B4GALT6: variants seen among roughly 807,000 people sequenced by gnomAD.
The protein encoded by B4GALT6 is beta-1,4-galactosyltransferase 6.
Under a neutral mutation model 46.3 loss-of-function variants are expected in B4GALT6, and 14 were observed. That is an observed-to-expected ratio of 0.30 (90% CI 0.20 to 0.47). B4GALT6 has a LOEUF of 0.47. Among genes scored for constraint, B4GALT6 ranks in the 20% least tolerant of loss-of-function variants. The pLI, the probability that B4GALT6 is intolerant of heterozygous loss-of-function variation, is 0.99. For synonymous variants in B4GALT6, 168 were observed against 162.0 expected, an observed-to-expected ratio of 1.04 and a Z score of -0.28; for missense variants, 386 against 480.1, an observed-to-expected ratio of 0.80 and a Z score of 1.83.
At chr18:31,699,781 G>A in the B4GALT6 span, among the ~76,000 whole-genome samples, 1 of 151,958 alleles carries the variant, frequency 6.6e-6, no homozygotes, top group Non-Finnish European at 1.5e-5. Flanking sequence ...TGAGGTTATT[G>A]TACATAAAGT....
intron 5 of B4GALT6, among the ~76,000 whole-genome samples, chr18:31,636,455 C>G (rs1006358378): frequency 1.3e-5 from 2 of 152,110 alleles, no homozygotes; most frequent in African/African-American, 4.8e-5. Flanking sequence ...AGAAAAAGAT[C>G]TGAACAGAAA....
At chr18:31,631,200 C>CTTTTTTTTTTTT (rs10657836) in intron 5 of B4GALT6, 54 bp from the exon 6 acceptor site, 1 of 1,074,916 alleles carries the variant, frequency 9.3e-7, no homozygotes, top group African/African-American at 1.8e-5. Context: ...ACTTCATCAT[C>CTTTTTTTTTTTT]TTTTTTTTTT....
intron 6 of B4GALT6, among the ~76,000 whole-genome samples, chr18:31,630,038 G>C (rs1347989516): frequency 1.4e-5 from 2 of 138,170 alleles, no homozygotes; most frequent in East Asian, 4.7e-4. Flanking sequence ...CAGGAAGGAA[G>C]GAAGGAAGAG....
chr18:31,653,375 C>A (rs1465329415), intron 3 of B4GALT6, among the ~76,000 whole-genome samples: 2 of 151,246 alleles, frequency 1.3e-5, no homozygotes, highest in Admixed American at 1.3e-4. Flanking sequence ...TCTCTGACAT[C>A]GTCCTTTCCC....
chr18:31,692,559 T>A, the B4GALT6 span, among the ~76,000 whole-genome samples: 32 of 148,460 alleles, frequency 2.2e-4, no homozygotes, highest in African/African-American at 7.9e-4. Flanking sequence ...TAAAACTTCA[T>A]AAAATAGGGA....
In B4GALT6 at chr18:31,642,475, GTTC is replaced by G. The variant is rs3838895; in HGVS notation, c.471+2877_471+2879del. Reference sequence around the variant, plus strand: ...GACAAGAGCATCAAGCAGCTGCCTGGTTCTTTAAGCCTGGAAGTTATAGACCAA... The same window carrying G: ...GACAAGAGCATCAAGCAGCTGCCTGGTTTAAGCCTGGAAGTTATAGACCAA... On this transcript the variant is annotated intron_variant, in intron 4 of 8. Coordinates refer to ENST00000306851, the MANE Select transcript of B4GALT6 (RefSeq NM_004775.5). Among the ~76,000 whole-genome samples the G allele has an allele frequency of 2.8e-4, 43 of 152,272 alleles. No individual in the cohort carries two copies. In the East Asian group the frequency reaches 7.7e-3, roughly 27 times the overall value.
At chr18:31,672,679 T>C (rs1377837774) in intron 1 of B4GALT6, among the ~76,000 whole-genome samples, 1 of 152,226 alleles carries the variant, frequency 6.6e-6, no homozygotes, top group Non-Finnish European at 1.5e-5. Flanking sequence ...ACCTATGTAA[T>C]CCTCACAAGC....
chr18:31,670,991 C>T (rs1215585316), intron 1 of B4GALT6, among the ~76,000 whole-genome samples: 2 of 151,766 alleles, frequency 1.3e-5, no homozygotes, highest in Admixed American at 6.6e-5. Context: ...TATGAGAACA[C>T]GTAGTGTTTG....
intron 5 of B4GALT6, 75 bp from the exon 6 acceptor site, chr18:31,631,221 T>C: frequency 1.4e-6 from 2 of 1,403,252 alleles, no homozygotes; most frequent in East Asian, 2.5e-5. Flanking sequence ...TTTTTCTTTT[T>C]TTTGGTATTT....
At chr18:31,680,844 T>C (rs1431461718) in intron 1 of B4GALT6, among the ~76,000 whole-genome samples, 3 of 152,210 alleles carry the variant, frequency 2.0e-5, no homozygotes, top group Non-Finnish European at 4.4e-5. Flanking sequence ...ACCTGGCCCA[T>C]GTGCCACTCC....
At chr18:31,702,154 G>A in the B4GALT6 span, among the ~76,000 whole-genome samples, 3 of 152,256 alleles carry the variant, frequency 2.0e-5, no homozygotes, top group South Asian at 2.1e-4. Flanking sequence ...CAAATAATAC[G>A]CTATAATGGC....
At chr18:31,697,668 A>G in the B4GALT6 span, among the ~76,000 whole-genome samples, 4 of 152,226 alleles carry the variant, frequency 2.6e-5, no homozygotes, top group Admixed American at 1.3e-4. Flanking sequence ...CAGAAGAAAG[A>G]AAAAGCAGTT....
intron 8 of B4GALT6, 86 bp from the exon 9 acceptor site, chr18:31,625,847 T>C (rs962477490): frequency 1.8e-6 from 2 of 1,130,182 alleles, no homozygotes; most frequent in Non-Finnish European, 2.4e-6. Flanking sequence ...GGTCATCTTA[T>C]AATTAAAGCA....
At chr18:31,660,836 AAAGCTCC>A (rs1169402322) in intron 2 of B4GALT6, among the ~76,000 whole-genome samples, 1 of 152,182 alleles carries the variant, frequency 6.6e-6, no homozygotes, top group Non-Finnish European at 1.5e-5. Context: ...GAAGAAAAAC[AAAGCTCC>A]AAGATGCTCT....
chr18:31,710,915 C>T, the B4GALT6 span, among the ~76,000 whole-genome samples: 5 of 150,878 alleles, frequency 3.3e-5, no homozygotes, highest in Admixed American at 2.0e-4. Context: ...TGACCTGTGA[C>T]GGCCAAAACC....
the B4GALT6 span, among the ~76,000 whole-genome samples, chr18:31,712,287 A>ATTTTTT: frequency 3.6e-3 from 304 of 84,606 alleles, 36 homozygotes; most frequent in South Asian, 7.1e-3. Flanking sequence ...CTGGGACGTT[A>ATTTTTT]TTTTTTTTTT....
chr18:31,661,032 GA>G (rs1271459934), intron 2 of B4GALT6, among the ~76,000 whole-genome samples: 4 of 152,142 alleles, frequency 2.6e-5, no homozygotes, highest in Non-Finnish European at 5.9e-5. Flanking sequence ...GTGCCTAAGG[GA>G]AAATCAGCGA....
rs372193239 is a variant in B4GALT6, at chr18:31,669,179, AGATT to A, written c.116-2811_116-2808del. Among the ~76,000 whole-genome samples the A allele has an allele frequency of 4.0e-4, 61 of 152,298 alleles. No individual in the cohort carries two copies. The East Asian group carries it at 0.01, about 26-fold the overall frequency. ...TACAATTTGGAGTATTTTGTCCCAG[AGATT>A]CAAAGTTTCATTGAGATATTCAAAT... On this transcript the variant is annotated intron_variant, in intron 1 of 8. Coordinates refer to ENST00000306851, the MANE Select transcript of B4GALT6 (RefSeq NM_004775.5).
chr18:31,672,748 T>C (rs1448024945), intron 1 of B4GALT6, among the ~76,000 whole-genome samples: 1 of 152,200 alleles, frequency 6.6e-6, no homozygotes, highest in Non-Finnish European at 1.5e-5. Flanking sequence ...AATTGAAGCA[T>C]GGAGTTGCAT....
Sources: allele counts gnomAD v4.1 joint callset (sites outside exome capture counted in the v4.1 genomes callset), GRCh38; gene constraint gnomAD v4.1.1; transcripts MANE v1.5; gene names NCBI Gene and HGNC (gene_info 2026-07-23, HGNC 2026-07-21).